QRSL1: variants seen among roughly 807,000 people sequenced by gnomAD.
QRSL1 encodes glutamyl-tRNA(Gln) amidotransferase subunit A, mitochondrial.
A neutral mutation model predicts 61.6 loss-of-function variants in QRSL1; 54 were observed. That is an observed-to-expected ratio of 0.88 (90% CI 0.70 to 1.10). The LOEUF is 1.10. QRSL1 is among the 50% of genes least tolerant of loss of function. QRSL1 has a pLI of 0.00. For missense variants in QRSL1, 505 were observed against 622.6 expected, an observed-to-expected ratio of 0.81 and a Z score of 2.01; for synonymous variants, 228 against 225.7, an observed-to-expected ratio of 1.01 and a Z score of -0.09.
chr6:106,659,447 G>A lies in QRSL1; in HGVS notation c.1161-3533G>A, dbSNP rs571536316. 3.6e-3 allele frequency among the ~76,000 whole-genome samples: 547 copies of A among 151,226 alleles called. 6 individuals carry two copies. Among genetic ancestry groups the A allele is most frequent in the African/African-American group, 0.013 (521 of 41,212 alleles). ...GCCACTGCACCCCAGCCTGGGTGAC[G>A]GAGTGAGACTCTGTCTCCAAAAAAA... On this transcript the variant is annotated intron_variant, in intron 9 of 10. Transcript: ENST00000369046.
Position 106,663,099 on chromosome 6 carries a change from C to T in QRSL1, c.1280C>T (p.Ala427Val), listed in dbSNP as rs377664371. ...VLLTPTTLSEAVPYLEFIKED... is the reference protein window; with the variant it reads ...VLLTPTTLSEVVPYLEFIKED... The stretch of plus-strand genomic sequence containing the variant: ...CTAACTCCCACCACCTTGAGTGAGG[C>T]AGTACCATACTTGGAGTTCATCAAA... Residue 427 changes from alanine to valine, a missense_variant, in exon 10 of 11, where the codon GCA becomes GTA. Ala to Val is a moderately conservative substitution (Grantham distance 64). Coordinates refer to ENST00000369046, the MANE Select transcript of QRSL1 (RefSeq NM_018292.5). The T allele has an allele frequency of 1.4e-5, 22 of 1,613,916 alleles. No individual in the cohort carries two copies. The highest frequency in any genetic ancestry group is 1.7e-5 in the Admixed American group (1 of 60,002).
At chr6:106,635,882 A>G (rs1026237981) in intron 1 of QRSL1, among the ~76,000 whole-genome samples, 15 of 152,138 alleles carry the variant, frequency 9.9e-5, no homozygotes, top group Non-Finnish European at 2.2e-4. Context: ...AAAAAAAAAA[A>G]AAGACAGTTC....
chr6:106,649,251 A>G (rs778691430), intron 5 of QRSL1, 50 bp downstream of exon 5: 2 of 1,173,832 alleles, frequency 1.7e-6, no homozygotes, highest in Non-Finnish European at 1.2e-6. Flanking sequence ...AAATACAAAC[A>G]GTCATAAACT....
intron 1 of QRSL1, among the ~76,000 whole-genome samples, chr6:106,630,373 A>G (rs926652264): frequency 2.0e-5 from 3 of 151,184 alleles, no homozygotes; most frequent in South Asian, 2.1e-4. Flanking sequence ...TGAATTCTTA[A>G]TAGACTCTTT....
In QRSL1 at chr6:106,649,078, C is replaced by G. The variant is rs765452137; in HGVS notation, c.434C>G (p.Ser145Ter). The stretch of plus-strand genomic sequence containing the variant: ...CCAGTTAAAAACCCCTGGAGTTATT[C>G]AAAACAATATAGAGAAAAGAGGAAG... ...FGPVKNPWSY[S>*]KQYREKRKQN... The change falls in exon 5 of 11, where the codon TCA becomes TGA. Residue 145 changes from serine to a stop codon, truncating the protein, a stop_gained. Coordinates refer to ENST00000369046, the MANE Select transcript of QRSL1 (RefSeq NM_018292.5). LOFTEE classifies it high-confidence loss of function. 6.2e-7 allele frequency: 1 copy of G among 1,613,992 alleles called. No individual in the cohort carries two copies. Among genetic ancestry groups the G allele is most frequent in the East Asian group, 2.2e-5 (1 of 44,880 alleles).
intron 4 of QRSL1, among the ~76,000 whole-genome samples, chr6:106,647,379 C>T (rs1398437270): frequency 1.3e-5 from 2 of 151,660 alleles, no homozygotes; most frequent in Non-Finnish European, 1.5e-5. Context: ...GTGGCCCACA[C>T]CTGTAATCTC....
In QRSL1 at chr6:106,654,731, A is replaced by C; in HGVS notation, c.851A>C (p.Glu284Ala). Reference protein sequence around the residue: ...VSKLCIGIPKEYLVPELSSEV... With the variant: ...VSKLCIGIPKAYLVPELSSEV... ...TGTATCTTGACTTTTTGCTATAAGG[A>C]ATATCTTGTACCGGAATTATCAAGT... Residue 284 changes from glutamate to alanine, a missense_variant and splice_region_variant, in exon 8 of 11, where the codon GAA (glutamate) becomes GCA (alanine). Transcript: ENST00000369046. 1 of 1,604,844 alleles carries C rather than the reference A, an allele frequency of 6.2e-7. No homozygotes were observed. Among genetic ancestry groups the C allele is most frequent in the Non-Finnish European group, 8.5e-7 (1 of 1,178,046 alleles).
intron 7 of QRSL1, 22 bp from the exon 8 acceptor site, chr6:106,654,708 T>A: frequency 6.3e-7 from 1 of 1,584,940 alleles, no homozygotes; most frequent in South Asian, 1.1e-5. Context: ...TCCAATTTTG[T>A]ATCTTGACTT....
rs1562168878 is a variant in QRSL1 at position 106,649,191 on chromosome 6, A to G, written c.547A>G (p.Thr183Ala). 2 of 1,614,092 alleles carry G rather than the reference A, an allele frequency of 1.2e-6. No individual in the cohort carries two copies. Among genetic ancestry groups the G allele is most frequent in the East Asian group, 2.2e-5 (1 of 44,874 alleles). ...GGSAAAVSAF[T>A]CYAALGSDTG... The stretch of plus-strand genomic sequence containing the variant: ...GAGTGCAGCTGCTGTATCGGCGTTC[A>G]CATGCTACGCGTAAGATGCTTTTCT... Residue 183 changes from threonine to alanine, a missense_variant, in exon 5 of 11, where the codon ACA (threonine) becomes GCA (alanine). By Grantham distance (58) the Thr-to-Ala change is moderately conservative. Transcript: ENST00000369046.
chr6:106,635,349 C>T (rs1316943489), intron 1 of QRSL1, among the ~76,000 whole-genome samples: 1 of 152,152 alleles, frequency 6.6e-6, no homozygotes, highest in African/African-American at 2.4e-5. Flanking sequence ...AGGGAGTGGT[C>T]ACTTGTGTTG....
intron 1 of QRSL1, 136 bp downstream of exon 1, chr6:106,629,841 A>T: frequency 9.4e-7 from 1 of 1,063,752 alleles, no homozygotes; most frequent in Non-Finnish European, 1.4e-6. Flanking sequence ...GGGGATAAGT[A>T]CCTTTCGATT....
rs1169996233 is a variant in QRSL1 at position 106,646,186 on chromosome 6, A to C, written c.381-2839A>C. ...CTTGGAATTCATTATATATATGTTG[A>C]ATGAACTAATCCATGAGAGTATATT... On this transcript the variant is annotated intron_variant, in intron 4 of 10. Coordinates refer to ENST00000369046, the MANE Select transcript of QRSL1 (RefSeq NM_018292.5). Among the ~76,000 whole-genome samples the C allele has an allele frequency of 4.6e-5, 7 of 152,304 alleles. No individual in the cohort carries two copies. The East Asian group carries it at 1.2e-3, about 25-fold the overall frequency.
At chr6:106,651,491 A>G (rs897697944) in intron 5 of QRSL1, among the ~76,000 whole-genome samples, 2 of 152,210 alleles carry the variant, frequency 1.3e-5, no homozygotes, top group African/African-American at 2.4e-5. Context: ...TTGACAGCAT[A>G]TATCAGAAAC....
At position 106,639,111 on chromosome 6, in the gene QRSL1, G is replaced by GTTTTTTTTTTT. The variant is rs1562164982; in HGVS notation, c.25-1234_25-1233insTTTTTTTTTTT. ...ACCTAACTTGTGTGGTTATTTGTGT[G>GTTTTTTTTTTT]TTTTGTTGTTTTTTTTTTTTTTTTT... On this transcript the variant is annotated intron_variant, in intron 1 of 10. Coordinates refer to ENST00000369046, the MANE Select transcript of QRSL1 (RefSeq NM_018292.5). 1.9e-3 allele frequency among the ~76,000 whole-genome samples: 114 copies of GTTTTTTTTTTT among 60,722 alleles called. 3 individuals carry two copies. Among genetic ancestry groups the GTTTTTTTTTTT allele is most frequent in the African/African-American group, 7.6e-3 (113 of 14,918 alleles). The allele number at this position is 60,722 out of a possible 152,430, so 39.8% of individuals were successfully genotyped here.
intron 9 of QRSL1, among the ~76,000 whole-genome samples, chr6:106,661,189 C>T (rs1299306066): frequency 2.0e-5 from 3 of 152,232 alleles, no homozygotes; most frequent in African/African-American, 7.2e-5. Flanking sequence ...TGGCTCACTG[C>T]ATCCTCCACC....
At chr6:106,641,402 C>A (rs577688957) in intron 3 of QRSL1, among the ~76,000 whole-genome samples, 1 of 152,346 alleles carries the variant, frequency 6.6e-6, no homozygotes, top group South Asian at 2.1e-4. Context: ...CAATACCCTT[C>A]TGTGGATGAC....
intron 4 of QRSL1, among the ~76,000 whole-genome samples, chr6:106,643,680 CAAAAA>C (rs112408577): frequency 8.9e-6 from 1 of 112,652 alleles, no homozygotes; most frequent in Non-Finnish European, 1.9e-5. Flanking sequence ...AACTCTGTCT[CAAAAA>C]AAAAAAAAAA....
intron 1 of QRSL1, among the ~76,000 whole-genome samples, chr6:106,632,639 T>C (rs1428584777): frequency 6.6e-6 from 1 of 152,238 alleles, no homozygotes; most frequent in African/African-American, 2.4e-5. Context: ...GTCTTTTGGA[T>C]AGAAGCTATT....
At chr6:106,632,726 T>G (rs1383733342) in intron 1 of QRSL1, among the ~76,000 whole-genome samples, 1 of 152,254 alleles carries the variant, frequency 6.6e-6, no homozygotes, top group Non-Finnish European at 1.5e-5. Flanking sequence ...GAGCACATTT[T>G]CATATACCAG....
Sources: gnomAD v4.1 joint callset for allele counts (sites outside exome capture counted in the v4.1 genomes callset) on GRCh38, gnomAD v4.1.1 for gene constraint, MANE v1.5 for transcripts, NCBI Gene and HGNC (gene_info 2026-07-23, HGNC 2026-07-21) for gene names.